Variants in CLIC6 observed in about 807,000 individuals in gnomAD.
CLIC6 encodes chloride intracellular channel protein 6.
Under a neutral mutation model 49.2 loss-of-function variants are expected in CLIC6, and 39 were observed. The observed-to-expected ratio is 0.79, with a 90% CI of 0.61 to 1.04. The LOEUF is 1.04. CLIC6 is among the 50% of genes least tolerant of loss of function. CLIC6 has a pLI of 0.00. For synonymous variants in CLIC6, 446 were observed against 433.4 expected, an observed-to-expected ratio of 1.03 and a Z score of -0.36; for missense variants, 988 against 993.1, an observed-to-expected ratio of 0.99 and a Z score of 0.07.
intron 1 of CLIC6, among the ~76,000 whole-genome samples, chr21:34,692,062 A>G (rs1990005374): frequency 6.6e-6 from 1 of 152,232 alleles, no homozygotes; most frequent in Admixed American, 6.5e-5. Context: ...GTTTCTCAAA[A>G]CTGCCTCAAA....
chr21:34,704,803 A>G (rs2056003294), intron 1 of CLIC6, among the ~76,000 whole-genome samples: 1 of 152,226 alleles, frequency 6.6e-6, no homozygotes, highest in Non-Finnish European at 1.5e-5. Context: ...CAAGAAAAAC[A>G]ATTTCAAGGG....
intron 1 of CLIC6, among the ~76,000 whole-genome samples, chr21:34,685,560 T>C (rs1989861409): frequency 6.6e-6 from 1 of 152,204 alleles, no homozygotes; most frequent in Non-Finnish European, 1.5e-5. Flanking sequence ...TTGTTTTAAC[T>C]CCGGGTTGGA....
At chr21:34,706,129 GCT>G in intron 1 of CLIC6, 2 of 645,668 alleles carry the variant, frequency 3.1e-6, no homozygotes, top group Non-Finnish European at 5.5e-6. Context: ...AATGCTGCAG[GCT>G]TTGTAGGAAG....
intron 5 of CLIC6, among the ~76,000 whole-genome samples, chr21:34,714,892 G>A (rs2056077742): frequency 6.6e-6 from 1 of 152,066 alleles, no homozygotes; most frequent in Non-Finnish European, 1.5e-5. Flanking sequence ...AATGTACTCA[G>A]GAATGTTAAA....
In CLIC6 at chr21:34,691,565, G is replaced by A. The variant is rs1424805537; in HGVS notation, c.1375-15715G>A. Among the ~76,000 whole-genome samples the A allele has an allele frequency of 3.3e-5, 5 of 151,944 alleles. No homozygotes were observed. The East Asian group carries it at 9.6e-4, about 29-fold the overall frequency. The stretch of plus-strand genomic sequence containing the variant: ...CTCTGTGGCCAGGAAAAAAAAAAAG[G>A]GAGTGTCGGGGAAAACTAGCAGGTT... On this transcript the variant is annotated intron_variant, in intron 1 of 5. Coordinates refer to ENST00000349499, the MANE Select transcript of CLIC6 (RefSeq NM_053277.3).
chr21:34,670,992 G>A (rs985389655), intron 1 of CLIC6, among the ~76,000 whole-genome samples: 2 of 151,874 alleles, frequency 1.3e-5, no homozygotes, highest in African/African-American at 4.8e-5. Context: ...TGGGGGTGGG[G>A]GCGACGGGGA....
chr21:34,676,821 G>C lies in CLIC6; in HGVS notation c.1374+6059G>C, dbSNP rs1232134603. On this transcript the variant is annotated intron_variant, in intron 1 of 5. Coordinates refer to ENST00000349499, the MANE Select transcript of CLIC6 (RefSeq NM_053277.3). ...GATTTTCTAAAACAGGTGATCTTTGGTCTATCATTCTCTGAACTCCTGTCA... is the reference window on the plus strand; with the variant it reads ...GATTTTCTAAAACAGGTGATCTTTGCTCTATCATTCTCTGAACTCCTGTCA... 3.3e-5 allele frequency among the ~76,000 whole-genome samples: 5 copies of C among 152,230 alleles called. No homozygotes were observed. The East Asian group carries it at 7.7e-4, about 23-fold the overall frequency.
intron 1 of CLIC6, among the ~76,000 whole-genome samples, chr21:34,706,560 C>T (rs1304148962): frequency 6.6e-6 from 1 of 152,184 alleles, no homozygotes; most frequent in Non-Finnish European, 1.5e-5. Context: ...ACAACATTGC[C>T]ACCACCCAGA....
intron 3 of CLIC6, among the ~76,000 whole-genome samples, 188 bp from the exon 4 acceptor site, chr21:34,708,512 C>T (rs1026588434): frequency 7.9e-5 from 12 of 152,190 alleles, no homozygotes; most frequent in Admixed American, 2.0e-4. Flanking sequence ...ACAATCCAAA[C>T]CTCTCCGTCC....
chr21:34,715,693 C>G (rs2056081780), intron 5 of CLIC6, among the ~76,000 whole-genome samples: 1 of 152,242 alleles, frequency 6.6e-6, no homozygotes, highest in Non-Finnish European at 1.5e-5. Context: ...GTATCTCACA[C>G]TGCTGTGTTT....
chr21:34,677,449 T>C (rs188224069), intron 1 of CLIC6, among the ~76,000 whole-genome samples: 1 of 152,280 alleles, frequency 6.6e-6, no homozygotes, highest in Admixed American at 6.5e-5. Flanking sequence ...TAATAAACTA[T>C]CCAGTAGCAA....
Position 34,669,772 on chromosome 21 carries a change from G to A in CLIC6, c.384G>A (p.Glu128=). 7.0e-7 allele frequency: 1 copy of A among 1,420,612 alleles called. No individual in the cohort carries two copies. The highest frequency in any genetic ancestry group is 9.1e-7 in the Non-Finnish European group (1 of 1,098,436). The allele number at this position is 1,420,612 out of a possible 1,614,324, so 88.0% of individuals were successfully genotyped here. A position where few individuals can be genotyped will look rare whatever the true frequency, so the allele number is the denominator to read the frequency against. ...QGEPRGEAQR[E]PEDSAAPERQ... ...AGCCCCGCGGGGAGGCTCAGAGGGA[G>A]CCCGAGGACTCTGCGGCCCCCGAGA... is the stretch of plus-strand genomic sequence containing the variant. The change falls in exon 1 of 6, where the codon GAG becomes GAA. Residue 128 remains glutamate (E), a synonymous_variant. Coordinates refer to ENST00000349499, the MANE Select transcript of CLIC6 (RefSeq NM_053277.3).
chr21:34,711,929 G>A (rs2056059203), intron 5 of CLIC6, among the ~76,000 whole-genome samples: 1 of 152,174 alleles, frequency 6.6e-6, no homozygotes, highest in Admixed American at 6.5e-5. Flanking sequence ...TTTTGATTGA[G>A]TCCCTTTTGG....
chr21:34,702,510 G>T (rs148251463), intron 1 of CLIC6, among the ~76,000 whole-genome samples: 1 of 152,176 alleles, frequency 6.6e-6, no homozygotes, highest in Non-Finnish European at 1.5e-5. Context: ...TCCACGAGGG[G>T]TGTTCATCAA....
Position 34,690,377 on chromosome 21 carries a change from A to G in CLIC6, c.1375-16903A>G, listed in dbSNP as rs143071838. Reference sequence around the variant, plus strand: ...CCTTATTGTAAAATATTTGCAAGTTATTCTCTGTAGAGAATATATTTTATC... The same window carrying G: ...CCTTATTGTAAAATATTTGCAAGTTGTTCTCTGTAGAGAATATATTTTATC... On this transcript the variant is annotated intron_variant, in intron 1 of 5. Coordinates refer to ENST00000349499, the MANE Select transcript of CLIC6 (RefSeq NM_053277.3). Among the ~76,000 whole-genome samples, 93 of 152,334 alleles carry G rather than the reference A, an allele frequency of 6.1e-4. 1 individual carries two copies. Among genetic ancestry groups the G allele is most frequent in the Middle Eastern group, 3.4e-3 (1 of 294 alleles).
chr21:34,670,425 C>A lies in CLIC6; in HGVS notation c.1037C>A (p.Ala346Asp). The A allele has an allele frequency of 6.9e-7, 1 of 1,459,824 alleles. No homozygotes were observed. 90.4% of individuals were successfully genotyped at this position (1,459,824 alleles called of 1,614,324 possible). A position where few individuals can be genotyped will look rare whatever the true frequency, so the allele number is the denominator to read the frequency against. ...GGGGTAAAGGGGTCCGAAGAAGCGG[C>A]CCCCGGGGACGCAAGGGCAGACGCT... ...VPGVKGSEEA[A>D]PGDARADAGE... The change falls in exon 1 of 6, where the codon GCC (alanine) becomes GAC (aspartate). Residue 346 changes from alanine (A) to aspartate (D), a missense_variant. This residue lies in a region of CLIC6 where 647 missense variants were observed against 596.9 expected (regional missense o/e 1.08). Transcript: ENST00000349499.
At chr21:34,716,276 C>T in intron 5 of CLIC6, 45 bp from the exon 6 acceptor site, 3 of 1,557,594 alleles carry the variant, frequency 1.9e-6, no homozygotes, top group Non-Finnish European at 2.6e-6. Flanking sequence ...GGGAGCCTAC[C>T]TTAGCAAGTT....
chr21:34,704,623 G>A (rs961494263), intron 1 of CLIC6, among the ~76,000 whole-genome samples: 3 of 152,174 alleles, frequency 2.0e-5, no homozygotes, highest in Non-Finnish European at 2.9e-5. Context: ...GTCCCATCCT[G>A]TTTCTGGCCA....
At position 34,708,708 on chromosome 21, in the gene CLIC6, A is replaced by C; in HGVS notation, c.1619A>C (p.Lys540Thr). 1 of 1,613,688 alleles carries C rather than the reference A, an allele frequency of 6.2e-7. No homozygotes were observed. The highest frequency in any genetic ancestry group is 1.1e-5 in the South Asian group (1 of 91,064). ...ATTTTGAACTTTTCAAGGTATCCCA[A>C]GCTGGGGACCCAACATCCCGAATCT... is the stretch of plus-strand genomic sequence containing the variant. ...EEKLAPPRYPKLGTQHPESNS... is the reference protein window; with the variant it reads ...EEKLAPPRYPTLGTQHPESNS... The change falls in exon 4 of 6, where the codon AAG becomes ACG. Residue 540 changes from lysine (K) to threonine (T), a missense_variant. Coordinates refer to ENST00000349499, the MANE Select transcript of CLIC6 (RefSeq NM_053277.3).
Sources: gnomAD v4.1 joint callset for allele counts (sites outside exome capture counted in the v4.1 genomes callset) on GRCh38, gnomAD v4.1.1 for gene constraint, gnomAD v4.1.1 regional missense constraint, MANE v1.5 for transcripts, NCBI Gene and HGNC (gene_info 2026-07-23, HGNC 2026-07-21) for gene names.